DLG5: variants seen among roughly 807,000 people sequenced by gnomAD.
DLG5 encodes the protein discs large MAGUK scaffold protein 5.
Under a neutral mutation model 189.8 loss-of-function variants are expected in DLG5, and 48 were observed. That is an observed-to-expected ratio of 0.25 (90% confidence interval 0.20 to 0.32). The LOEUF is 0.32. Among genes scored for constraint, DLG5 ranks in the 10% least tolerant of loss-of-function variants. The probability of loss-of-function intolerance (pLI) is 1.00; values close to 1 mark genes in which losing one functional copy is unlikely to be tolerated. For missense variants in DLG5, 2,160 were observed against 2,544.7 expected (o/e 0.85, Z 3.25); for synonymous variants, 1,016 against 1,054.1 (o/e 0.96, Z 0.70).
chr10:77,896,353 T>C (rs1463749610), intron 1 of DLG5, among the ~76,000 whole-genome samples: 1 of 152,184 alleles, frequency 6.6e-6, no homozygotes, highest in Non-Finnish European at 1.5e-5. Context: ...AGAAGAACTA[T>C]AGACTAGAGG....
intron 1 of DLG5, among the ~76,000 whole-genome samples, chr10:77,873,181 A>C (rs1050876836): frequency 6.6e-6 from 1 of 152,136 alleles, no homozygotes; most frequent in Non-Finnish European, 1.5e-5. Flanking sequence ...CCAAGTTTAG[A>C]CGTGGACATG....
chr10:77,867,059 G>A, intron 2 of DLG5: 2 of 457,068 alleles, frequency 4.4e-6, no homozygotes, highest in South Asian at 3.1e-5. Context: ...CCCAGGAAGA[G>A]CACAGAGATA....
intron 1 of DLG5, among the ~76,000 whole-genome samples, chr10:77,874,117 G>A (rs928531196): frequency 2.6e-5 from 4 of 152,262 alleles, no homozygotes; most frequent in Admixed American, 6.5e-5. Context: ...CACTGGGCCA[G>A]GTTCGGGAGA....
At chr10:77,864,321 C>G (rs904557918) in intron 2 of DLG5, among the ~76,000 whole-genome samples, 1 of 152,234 alleles carries the variant, frequency 6.6e-6, no homozygotes, top group African/African-American at 2.4e-5. Flanking sequence ...GGTAAACTTC[C>G]TGGCCACCTC....
intron 1 of DLG5, among the ~76,000 whole-genome samples, chr10:77,885,744 AG>A (rs565581817): frequency 1.6e-3 from 246 of 152,304 alleles, no homozygotes; most frequent in Non-Finnish European, 2.4e-3. Flanking sequence ...TGCATTTTCT[AG>A]TCAGACTTCA....
Position 77,796,388 on chromosome 10 carries a change from A to C in DLG5, c.5308+63T>G. 1 of 1,612,432 alleles carries C rather than the reference A, an allele frequency of 6.2e-7. No individual in the cohort carries two copies. The highest frequency in any genetic ancestry group is 1.1e-5 in the South Asian group (1 of 90,940). On this transcript the variant is annotated intron_variant, in intron 28 of 31. Coordinates refer to ENST00000372391, the MANE Select transcript of DLG5 (RefSeq NM_004747.4). The surrounding 1 kb of genome is among the most constrained non-coding windows in gnomAD (Gnocchi z 5.2). ...ACCCACTGTGCACAGCTGGGCAGGC[A>C]GGTGGACAGGGACATAGAGACAAAG...
intron 2 of DLG5, among the ~76,000 whole-genome samples, chr10:77,858,303 G>A (rs983640094): frequency 1.3e-5 from 2 of 151,422 alleles, no homozygotes; most frequent in Non-Finnish European, 2.9e-5. Flanking sequence ...AAAGAAATAT[G>A]TATTAAAAAA....
Position 77,856,453 on chromosome 10 carries a change from G to GACACACACACAC in DLG5, c.536+265_536+276dup, listed in dbSNP as rs58908767. 2.2e-3 allele frequency among the ~76,000 whole-genome samples: 328 copies of GACACACACACAC among 149,964 alleles called. 1 individual carries two copies. Among genetic ancestry groups the GACACACACACAC allele is most frequent in the South Asian group, 0.018 (83 of 4,714 alleles). On this transcript the variant is annotated intron_variant, in intron 3 of 31. Coordinates refer to ENST00000372391, the MANE Select transcript of DLG5 (RefSeq NM_004747.4). ...GGCAGGTCTAGGAGACAGTGGTAGGGACACACACACACACACACACACACA... is the reference window on the plus strand; with the variant it reads ...GGCAGGTCTAGGAGACAGTGGTAGGGACACACACACACACACACACACACACACACACACACA...
rs1425780887 is a variant in DLG5 at position 77,876,683 on chromosome 10, GAGGA to G, written c.305-7490_305-7487del. On this transcript the variant is annotated intron_variant, in intron 1 of 31. Coordinates refer to ENST00000372391, the MANE Select transcript of DLG5 (RefSeq NM_004747.4). ...AGCCAATCCCATCTTTTTTTTCTAA[GAGGA>G]AGGAAGGAAGGAAGGAAGGAAGGGA... 7.1e-3 allele frequency among the ~76,000 whole-genome samples: 686 copies of G among 96,978 alleles called. 6 individuals are homozygous for G. Among genetic ancestry groups the G allele is most frequent in the East Asian group, 0.017 (51 of 2,948 alleles). 63.6% of individuals were successfully genotyped at this position (96,978 alleles called of 152,430 possible).
chr10:77,801,759 A>G (rs553957199), intron 27 of DLG5, among the ~76,000 whole-genome samples: 2 of 152,330 alleles, frequency 1.3e-5, no homozygotes, highest in Admixed American at 6.5e-5. Context: ...TGGAAAGATG[A>G]CTTCTCACCA....
intron 27 of DLG5, among the ~76,000 whole-genome samples, chr10:77,801,886 C>T (rs988073836): frequency 6.6e-6 from 1 of 152,160 alleles, no homozygotes; most frequent in Non-Finnish European, 1.5e-5. Context: ...AGTTAAAGGC[C>T]TTGGGAGGAA....
chr10:77,861,711 G>C (rs146211052), intron 2 of DLG5, among the ~76,000 whole-genome samples: 1 of 152,168 alleles, frequency 6.6e-6, no homozygotes, highest in African/African-American at 2.4e-5. Context: ...TGAGAAACAC[G>C]TCAGAAAGAC....
chr10:77,850,470 C>T (rs7923461), intron 5 of DLG5, among the ~76,000 whole-genome samples: 202 of 152,212 alleles, frequency 1.3e-3, no homozygotes, highest in African/African-American at 4.8e-3. Context: ...GGGTTGTTAC[C>T]GGTTTTGGGC....
the DLG5 span, among the ~76,000 whole-genome samples, chr10:77,940,676 T>G: frequency 6.6e-6 from 1 of 152,076 alleles, no homozygotes; most frequent in Non-Finnish European, 1.5e-5. Context: ...TTACCCGAGG[T>G]CCTCTCCTCC....
At chr10:77,928,336 G>A (rs1846752621), upstream of DLG5, 1 of 152,202 alleles carries the variant, frequency 6.6e-6, no homozygotes. Flanking sequence ...GGGGTCCATA[G>A]AGTTACAAGT....
chr10:77,822,872 A>C (rs1842439234), intron 14 of DLG5, among the ~76,000 whole-genome samples: 1 of 152,188 alleles, frequency 6.6e-6, no homozygotes, highest in South Asian at 2.1e-4. Context: ...ATTCTGGAAA[A>C]CACAAAAGCA....
intron 1 of DLG5, among the ~76,000 whole-genome samples, chr10:77,885,179 T>C (rs1845401809): frequency 6.6e-6 from 1 of 152,194 alleles, no homozygotes; most frequent in Admixed American, 6.5e-5. Context: ...TCTCAGTACA[T>C]TCAAGTGCTC....
At chr10:77,854,872 C>A (rs959780438) in intron 3 of DLG5, among the ~76,000 whole-genome samples, 1 of 152,006 alleles carries the variant, frequency 6.6e-6, no homozygotes, top group Non-Finnish European at 1.5e-5. Context: ...GCCTGTAGTC[C>A]CAGCTACTCA....
At position 77,819,904 on chromosome 10, in the gene DLG5, G is replaced by A; in HGVS notation, c.3517C>T (p.Pro1173Ser). 1 of 1,573,064 alleles carries A rather than the reference G, an allele frequency of 6.4e-7. No homozygotes were observed. Among genetic ancestry groups the A allele is most frequent in the East Asian group, 2.3e-5 (1 of 44,078 alleles). ...TGGCTGGCTGACTCACCCACAGACG[G>A]CCTGCTAGGGTATAGCGGGGGGTTG... is the stretch of plus-strand genomic sequence containing the variant. Reference protein sequence around the residue: ...HSNPPLYPSRPSVGTVPRSLT... With the variant: ...HSNPPLYPSRSSVGTVPRSLT... Residue 1173 changes from proline (P) to serine (S), a missense_variant, in exon 16 of 32, where the codon CCG becomes TCG. Around this residue, in one of 5 missense-constraint regions of DLG5, gnomAD observed 754 missense variants for 746.5 expected, o/e 1.01. Coordinates refer to ENST00000372391, the MANE Select transcript of DLG5 (RefSeq NM_004747.4).
Sources: gnomAD v4.1 joint callset for allele counts (sites outside exome capture counted in the v4.1 genomes callset) on GRCh38, gnomAD v4.1.1 for gene constraint, gnomAD v4.1.1 regional missense constraint, Gnocchi (gnomAD v3.1) non-coding constraint, MANE v1.5 for transcripts, NCBI Gene and HGNC (gene_info 2026-07-23, HGNC 2026-07-21) for gene names.